The following SH3BP1 variants were observed in gnomAD, a reference collection of about 807,000 sequenced individuals.
The protein encoded by SH3BP1 is SH3 domain binding protein 1.
SH3BP1 carries 46 observed loss-of-function variants against 69.8 expected under a neutral mutation model. That is an observed-to-expected ratio of 0.66 (90% CI 0.52 to 0.84). SH3BP1 has a LOEUF of 0.84. Among genes scored for constraint, SH3BP1 ranks in the 40% least tolerant of loss-of-function variants. The pLI, the probability that SH3BP1 is intolerant of heterozygous loss-of-function variation, is 0.00. For missense variants in SH3BP1, 868 were observed against 930.9 expected (o/e 0.93, Z 0.88); for synonymous variants, 403 against 378.0 (o/e 1.07, Z -0.77).
intron 7 of SH3BP1, 45 bp downstream of exon 7, chr22:37,643,833 T>G (rs1601582429): frequency 1.2e-6 from 2 of 1,605,480 alleles, no homozygotes; most frequent in Non-Finnish European, 1.7e-6. Flanking sequence ...GTGGCAGGGG[T>G]GGGTCCTGGC....
rs1330562582 is a variant in SH3BP1 at position 37,643,174 on chromosome 22, G to T, written c.473G>T (p.Arg158Met). The change falls in exon 6 of 18, where the codon AGG (arginine) becomes ATG (methionine). Residue 158 changes from arginine to methionine, a missense_variant and splice_region_variant. This residue lies in a region of SH3BP1 where 387 missense variants were observed against 447.9 expected (regional missense o/e 0.86). Coordinates refer to ENST00000649765, the MANE Select transcript of SH3BP1 (RefSeq NM_018957.6). The stretch of plus-strand genomic sequence containing the variant: ...TCCGACTGGAACACACTCAAGAGCA[G>T]GTGGGAGCCCCAGCCGCTCAGGGGG... ...LVSDWNTLKS[R>M]LSQATKNSGS... The T allele has an allele frequency of 5.0e-6, 8 of 1,597,022 alleles. No individual in the cohort carries two copies. The highest frequency in any genetic ancestry group is 6.0e-6 in the Non-Finnish European group (7 of 1,172,736).
Position 37,641,147 on chromosome 22 carries a change from C to G in SH3BP1, c.81C>G (p.Phe27Leu), listed in dbSNP as rs2146042891. The G allele has an allele frequency of 7.2e-7, 1 of 1,381,756 alleles. No individual in the cohort carries two copies. The highest frequency in any genetic ancestry group is 3.1e-5 in the East Asian group (1 of 32,582). 85.6% of individuals were successfully genotyped at this position (1,381,756 alleles called of 1,614,324 possible). ...SLGRTPETAE[F>L]LGEDLLQVEQ... ...GCAGCACCCCGGAGACCGCTGAGTT[C>G]CTGGGTGAGGACCTGCTGCAGGTAC... is the stretch of plus-strand genomic sequence containing the variant. The change falls in exon 2 of 18, where the codon TTC becomes TTG. Residue 27 changes from phenylalanine to leucine, a missense_variant. Coordinates refer to ENST00000649765, the MANE Select transcript of SH3BP1 (RefSeq NM_018957.6).
At chr22:37,643,491 A>G in intron 6 of SH3BP1, 153 bp from the exon 7 acceptor site, 1 of 1,106,074 alleles carries the variant, frequency 9.0e-7, no homozygotes, top group Non-Finnish European at 1.3e-6. Flanking sequence ...CAGAGCACTC[A>G]TGGCCCAGCC....
At position 37,643,624 on chromosome 22, in the gene SH3BP1, C is replaced by T. The variant is rs779899546; in HGVS notation, c.474-20C>T. 3 of 1,614,064 alleles carry T rather than the reference C, an allele frequency of 1.9e-6. No individual in the cohort carries two copies. Among genetic ancestry groups the T allele is most frequent in the Non-Finnish European group, 2.5e-6 (3 of 1,180,008 alleles). On this transcript the variant is annotated intron_variant, in intron 6 of 17. Coordinates refer to ENST00000649765, the MANE Select transcript of SH3BP1 (RefSeq NM_018957.6). ...CATGCAACAGGGCAGGTGACCAGCT[C>T]ACCTTGGGATCATCTCCAGGCTCAG...
At chr22:37,653,989 T>G in intron 17 of SH3BP1, 116 bp downstream of exon 17, 1 of 752,084 alleles carries the variant, frequency 1.3e-6, no homozygotes, top group African/African-American at 1.8e-5. Flanking sequence ...GTCAAGGTGA[T>G]AAAGAGCCCA....
At chr22:37,645,039 T>C in intron 9 of SH3BP1, 79 bp downstream of exon 9, 1 of 1,304,168 alleles carries the variant, frequency 7.7e-7, no homozygotes, top group South Asian at 1.2e-5. Context: ...CACTTCATCC[T>C]GAAAGGTAGC....
intron 11 of SH3BP1, 132 bp downstream of exon 11, chr22:37,647,061 G>A: frequency 1.4e-6 from 1 of 732,760 alleles, no homozygotes; most frequent in Non-Finnish European, 2.2e-6. Flanking sequence ...TTCTTAATGT[G>A]GGGTCCATCA....
chr22:37,648,228 G>A, intron 13 of SH3BP1, 91 bp from the exon 14 acceptor site: 2 of 854,024 alleles, frequency 2.3e-6, no homozygotes, highest in South Asian at 1.5e-5. Flanking sequence ...ATTCTGGGCG[G>A]TGTCTTTCAC....
At chr22:37,655,132 G>C (rs922289914) in intron 17 of SH3BP1, 140 bp from the exon 18 acceptor site, 3 of 639,092 alleles carry the variant, frequency 4.7e-6, no homozygotes, top group Admixed American at 6.6e-5. Context: ...AGGCCTAGAC[G>C]ATGAGGAGCC....
intron 3 of SH3BP1, 24 bp downstream of exon 3, chr22:37,641,502 AG>A: frequency 1.3e-6 from 2 of 1,532,580 alleles, no homozygotes; most frequent in Non-Finnish European, 1.8e-6. Flanking sequence ...CCCGGGAAGG[AG>A]GGGCCTGAGC....
rs530274414 is a variant in SH3BP1, at chr22:37,651,423, G to A, written c.1598+698G>A. Among the ~76,000 whole-genome samples the A allele has an allele frequency of 1.8e-3, 274 of 150,400 alleles. 1 individual carries two copies. Among genetic ancestry groups the A allele is most frequent in the African/African-American group, 6.4e-3 (262 of 40,904 alleles). ...GATCTTGGCTCACTTGCAGCCTCCC[G>A]GGTTCAAGCAATTCTCCTGCCTTAG... On this transcript the variant is annotated intron_variant, in intron 16 of 17. Transcript: ENST00000649765.
Position 37,642,991 on chromosome 22 carries a change from C to T in SH3BP1, c.381C>T (p.Leu127=), listed in dbSNP as rs1432214153. The change falls in exon 5 of 18, where the codon CTC becomes CTT. Residue 127 remains leucine (L), a synonymous_variant. Transcript: ENST00000649765. ...TGGAGAGGGACGTCCTGCAGCCACT[C>T]AGCAGGCTGAGTGAGGTGAGCCTGT... ...MTLERDVLQP[L]SRLSEEELPA... is the part of the protein sequence containing the mutation. 10 of 1,613,036 alleles carry T rather than the reference C, an allele frequency of 6.2e-6. No homozygotes were observed. Among genetic ancestry groups the T allele is most frequent in the Non-Finnish European group, 8.5e-6 (10 of 1,179,870 alleles).
rs531767543 is a variant in SH3BP1, at chr22:37,641,569, C to G, written c.207+91C>G. The G allele has an allele frequency of 5.8e-5, 63 of 1,093,520 alleles. No individual in the cohort carries two copies. The African/African-American group carries it at 9.6e-4, about 17-fold the overall frequency. The allele number at this position is 1,093,520 out of a possible 1,614,324, so 67.7% of individuals were successfully genotyped here. A position where few individuals can be genotyped will look rare whatever the true frequency, so the allele number is the denominator to read the frequency against. The stretch of plus-strand genomic sequence containing the variant: ...TCGGGGCTGGGGTTTCCTTGCCAGT[C>G]TGAGTGTCTGGCACCAAGGGCATGG... On this transcript the variant is annotated intron_variant, in intron 3 of 17. Transcript: ENST00000649765.
intron 16 of SH3BP1, among the ~76,000 whole-genome samples, chr22:37,653,450 C>T (rs1932926831): frequency 6.6e-6 from 1 of 152,162 alleles, no homozygotes; most frequent in South Asian, 2.1e-4. Context: ...AAAAAAACCA[C>T]ATGGAGGCCC....
intron 16 of SH3BP1, among the ~76,000 whole-genome samples, chr22:37,652,483 T>A (rs1932900166): frequency 6.6e-6 from 1 of 151,780 alleles, no homozygotes; most frequent in South Asian, 2.1e-4. Flanking sequence ...CAGTGAGCAA[T>A]GATTGTGCCA....
At chr22:37,644,117 C>T (rs55785510) in intron 7 of SH3BP1, among the ~76,000 whole-genome samples, 10,429 of 152,274 alleles carry the variant, frequency 0.068, 418 homozygotes, top group South Asian at 0.13. Flanking sequence ...CGGTGGCTTA[C>T]GCCTGTAATC....
intron 2 of SH3BP1, 85 bp downstream of exon 2, chr22:37,641,253 G>A: frequency 6.6e-7 from 1 of 1,514,880 alleles, no homozygotes; most frequent in Non-Finnish European, 9.0e-7. Context: ...CGCCAGGTAG[G>A]GGCCTGGGTT....
intron 17 of SH3BP1, 139 bp from the exon 18 acceptor site, chr22:37,655,133 A>T: frequency 1.6e-6 from 1 of 642,550 alleles, no homozygotes; most frequent in South Asian, 2.1e-5. Context: ...GGCCTAGACG[A>T]TGAGGAGCCA....
At chr22:37,647,106 G>T (rs1932798195) in intron 11 of SH3BP1, among the ~76,000 whole-genome samples, 161 bp from the exon 12 acceptor site, 1 of 152,194 alleles carries the variant, frequency 6.6e-6, no homozygotes, top group African/African-American at 2.4e-5. Context: ...TTTTTCTGGG[G>T]ACAAGATGGC....
Sources: gnomAD v4.1 joint callset for allele counts (sites outside exome capture counted in the v4.1 genomes callset) on GRCh38, gnomAD v4.1.1 for gene constraint, gnomAD v4.1.1 regional missense constraint, MANE v1.5 for transcripts, NCBI Gene and HGNC (gene_info 2026-07-23, HGNC 2026-07-21) for gene names.